Variants in MAF observed in about 807,000 individuals in gnomAD.
The protein encoded by MAF is transcription factor Maf.
Under a neutral mutation model 22.0 loss-of-function variants are expected in MAF, and 10 were observed. The observed-to-expected ratio is 0.45, with a 90% confidence interval of 0.28 to 0.77. The LOEUF is 0.77. Among genes scored for constraint, MAF ranks in the 30% least tolerant of loss-of-function variants. The pLI is 0.12. For missense variants in MAF, 544 were observed against 548.4 expected, an observed-to-expected ratio of 0.99 and a Z score of 0.08; for synonymous variants, 337 against 255.8, an observed-to-expected ratio of 1.32 and a Z score of -3.03.
the MAF span, among the ~76,000 whole-genome samples, chr16:79,503,449 C>G: frequency 6.6e-6 from 1 of 152,280 alleles, no homozygotes; most frequent in South Asian, 2.1e-4. Flanking sequence ...ACATAAAATT[C>G]TTTAGGACTG....
the MAF span, among the ~76,000 whole-genome samples, chr16:79,503,331 G>A: frequency 6.6e-6 from 1 of 152,004 alleles, no homozygotes; most frequent in Non-Finnish European, 1.5e-5. Context: ...CAACCACAAA[G>A]CGACCATCAT....
At chr16:79,361,737 G>A in the MAF span, among the ~76,000 whole-genome samples, 2 of 139,882 alleles carry the variant, frequency 1.4e-5, no homozygotes, top group African/African-American at 5.1e-5. Context: ...ATCTCCCAAG[G>A]TGAAGTTCGG....
the MAF span, among the ~76,000 whole-genome samples, chr16:79,308,795 G>C: frequency 6.6e-6 from 1 of 152,242 alleles, no homozygotes; most frequent in East Asian, 1.9e-4. Flanking sequence ...GGCAGATCTA[G>C]GCACAAAGCC....
the MAF span, among the ~76,000 whole-genome samples, chr16:79,341,051 G>T: frequency 1.3e-5 from 2 of 152,178 alleles, no homozygotes; most frequent in African/African-American, 2.4e-5. Context: ...AGGGACCAAG[G>T]CCTGCAGCAT....
chr16:79,508,110 C>T, the MAF span, among the ~76,000 whole-genome samples: 2 of 152,152 alleles, frequency 1.3e-5, no homozygotes, highest in African/African-American at 2.4e-5. Context: ...GAAGGCGCAG[C>T]ATGGGAGCAA....
chr16:79,302,291 A>T, the MAF span, among the ~76,000 whole-genome samples: 9 of 152,248 alleles, frequency 5.9e-5, no homozygotes, highest in African/African-American at 2.2e-4. Flanking sequence ...ACTTTAAAGC[A>T]GGCTGTGGGC....
At chr16:79,388,959 G>C in the MAF span, among the ~76,000 whole-genome samples, 2 of 152,162 alleles carry the variant, frequency 1.3e-5, no homozygotes, top group African/African-American at 4.8e-5. Flanking sequence ...TTATTACCTA[G>C]TCTTACTACT....
At chr16:79,307,913 C>T in the MAF span, among the ~76,000 whole-genome samples, 3 of 152,198 alleles carry the variant, frequency 2.0e-5, no homozygotes, top group South Asian at 2.1e-4. Flanking sequence ...TCCTCTACAA[C>T]CTACCCTTTG....
chr16:79,597,716 C>G (rs1222745067), intron 1 of MAF: 1 of 1,018,948 alleles, frequency 9.8e-7, no homozygotes, highest in Non-Finnish European at 1.2e-6. Flanking sequence ...GAATGCCATG[C>G]TATAAGTCTT....
the MAF span, among the ~76,000 whole-genome samples, chr16:79,545,223 G>T: frequency 6.6e-6 from 1 of 152,190 alleles, no homozygotes; most frequent in Non-Finnish European, 1.5e-5. Flanking sequence ...TTACAAAGTA[G>T]ACTCAGACAC....
At chr16:79,236,389 CT>C in the MAF span, among the ~76,000 whole-genome samples, 3 of 151,966 alleles carry the variant, frequency 2.0e-5, no homozygotes, top group East Asian at 5.8e-4. Flanking sequence ...GAGCCACATC[CT>C]GGGGGAAGTT....
At chr16:79,470,405 C>T in the MAF span, among the ~76,000 whole-genome samples, 15 of 152,124 alleles carry the variant, frequency 9.9e-5, no homozygotes, top group African/African-American at 3.4e-4. Context: ...AGGATGGCAA[C>T]TAGGGCATGG....
At chr16:79,282,975 CT>C in the MAF span, among the ~76,000 whole-genome samples, 1 of 152,170 alleles carries the variant, frequency 6.6e-6, no homozygotes, top group Non-Finnish European at 1.5e-5. Flanking sequence ...AGTCATAAAG[CT>C]TTGGGTTACT....
At chr16:79,535,911 C>G in the MAF span, among the ~76,000 whole-genome samples, 1 of 152,294 alleles carries the variant, frequency 6.6e-6, no homozygotes, top group African/African-American at 2.4e-5. Flanking sequence ...AATAGTTTAG[C>G]TATATGTGAT....
chr16:79,295,967 C>A, the MAF span, among the ~76,000 whole-genome samples: 1 of 152,220 alleles, frequency 6.6e-6, no homozygotes, highest in Non-Finnish European at 1.5e-5. Flanking sequence ...ACCTCACCTC[C>A]TGCGGTCTGT....
chr16:79,249,766 C>T, the MAF span, among the ~76,000 whole-genome samples: 1 of 151,752 alleles, frequency 6.6e-6, no homozygotes, highest in African/African-American at 2.4e-5. Flanking sequence ...TCCTCCCTTC[C>T]TCTCTTCTTT....
the MAF span, among the ~76,000 whole-genome samples, chr16:79,252,932 C>G: frequency 1.3e-5 from 2 of 152,216 alleles, no homozygotes; most frequent in Non-Finnish European, 2.9e-5. Flanking sequence ...GAACTCCGTA[C>G]TTTCCTCTCC....
chr16:79,351,154 G>A, the MAF span, among the ~76,000 whole-genome samples: 36 of 152,162 alleles, frequency 2.4e-4, no homozygotes, highest in Non-Finnish European at 7.3e-5. Flanking sequence ...TACATTCTCT[G>A]TGGGGTTCAG....
the MAF span, among the ~76,000 whole-genome samples, chr16:79,336,781 G>T: frequency 6.6e-6 from 1 of 152,128 alleles, no homozygotes; most frequent in African/African-American, 2.4e-5. Context: ...CTGTAATTTG[G>T]TGAGGATTTT....
Sources: allele counts gnomAD v4.1 joint callset (sites outside exome capture counted in the v4.1 genomes callset), GRCh38; gene constraint gnomAD v4.1.1; transcripts MANE v1.5; gene names NCBI Gene and HGNC (gene_info 2026-07-23, HGNC 2026-07-21).